The following SCOC variants were observed in gnomAD, a reference collection of about 807,000 sequenced individuals.
The protein encoded by SCOC is short coiled-coil protein.
Under a neutral mutation model 9.9 loss-of-function variants are expected in SCOC, and 7 were observed. The observed-to-expected ratio is 0.71, with a 90% CI of 0.40 to 1.33. The LOEUF (loss-of-function observed/expected upper bound fraction) is 1.33. SCOC is among the 40% of genes most tolerant of loss of function. The pLI, the probability that SCOC is intolerant of heterozygous loss-of-function variation, is 0.01. For missense variants in SCOC, 66 were observed against 89.7 expected, an observed-to-expected ratio of 0.74 and a Z score of 1.07; for synonymous variants, 19 against 28.2, an observed-to-expected ratio of 0.67 and a Z score of 1.03.
At chr4:140,306,622 T>A (rs1731995680) in intron 1 of SCOC, among the ~76,000 whole-genome samples, 1 of 151,088 alleles carries the variant, frequency 6.6e-6, no homozygotes. Context: ...ACAGGGGAAA[T>A]GTGGACACTG....
intron 2 of SCOC, among the ~76,000 whole-genome samples, chr4:140,365,342 C>T (rs1727745424): frequency 6.6e-6 from 1 of 152,090 alleles, no homozygotes; most frequent in Non-Finnish European, 1.5e-5. Flanking sequence ...GAGGCAGTGC[C>T]AGAAAAATTG....
At chr4:140,298,817 CATT>C (rs1461470190) in intron 1 of SCOC, among the ~76,000 whole-genome samples, 1 of 152,062 alleles carries the variant, frequency 6.6e-6, no homozygotes, top group Non-Finnish European at 1.5e-5. Flanking sequence ...TAAATTAATT[CATT>C]ATTATTATTT....
upstream of SCOC, among the ~76,000 whole-genome samples, chr4:140,371,011 G>A (rs1450035521): frequency 6.6e-6 from 1 of 151,476 alleles, no homozygotes; most frequent in Non-Finnish European, 1.5e-5. Flanking sequence ...TCAGCCTCCC[G>A]AGTAGCTGGG....
chr4:140,272,606 A>G (rs1190669249), intron 1 of SCOC, among the ~76,000 whole-genome samples: 2 of 152,216 alleles, frequency 1.3e-5, no homozygotes, highest in East Asian at 3.9e-4. Context: ...TCACTGGTAT[A>G]TCCACAGCGC....
Position 140,385,703 on chromosome 4 carries a change from C to G in SCOC, c.*4599C>G, listed in dbSNP as rs1390160595. On this transcript the variant is annotated 3_prime_UTR_variant, in exon 4 of 4. Transcript: ENST00000608372. ...ATGTAAAGCCATTCTTTACTTTGCC[C>G]AATAAAAATTTTGTTATTCCCTGAA... is the stretch of plus-strand genomic sequence containing the variant. 6.6e-6 allele frequency: 1 copy of G among 152,134 alleles called. No homozygotes were observed. The highest frequency in any genetic ancestry group is 1.5e-5 in the Non-Finnish European group (1 of 68,018). The allele number at this position is 152,134 out of a possible 1,614,324, so 9.4% of individuals were successfully genotyped here.
At chr4:140,294,856 C>T (rs1731578726) in intron 1 of SCOC, among the ~76,000 whole-genome samples, 1 of 152,214 alleles carries the variant, frequency 6.6e-6, no homozygotes, top group Non-Finnish European at 1.5e-5. Context: ...GCTACTTGTC[C>T]ATGCCCTGGC....
At position 140,379,553 on chromosome 4, in the gene SCOC, A is replaced by C; in HGVS notation, c.23-16A>C. 1 of 1,586,030 alleles carries C rather than the reference A, an allele frequency of 6.3e-7. No individual in the cohort carries two copies. Among genetic ancestry groups the C allele is most frequent in the Non-Finnish European group, 8.6e-7 (1 of 1,157,578 alleles). Reference sequence around the variant, plus strand: ...CTAATGCTAATTAATAGTAAATTTGAACCTTTATATTACAGCAGTTGATGC... The same window carrying C: ...CTAATGCTAATTAATAGTAAATTTGCACCTTTATATTACAGCAGTTGATGC... On this transcript the variant is annotated splice_polypyrimidine_tract_variant and intron_variant, in intron 2 of 3. Coordinates refer to ENST00000608372, the MANE Select transcript of SCOC (RefSeq NM_001153484.2).
intron 2 of SCOC, among the ~76,000 whole-genome samples, chr4:140,347,455 C>T (rs1726787761): frequency 6.6e-6 from 1 of 152,298 alleles, no homozygotes; most frequent in African/African-American, 2.4e-5. Flanking sequence ...TGCTTCCACT[C>T]CCCTGGCTTT....
intron 2 of SCOC, among the ~76,000 whole-genome samples, chr4:140,367,316 T>G (rs1408873947): frequency 1.3e-5 from 2 of 152,336 alleles, no homozygotes; most frequent in East Asian, 3.9e-4. Context: ...AATTACTTTA[T>G]GCTTGTTAAA....
At chr4:140,346,326 C>T (rs538900035) in intron 2 of SCOC, among the ~76,000 whole-genome samples, 98 of 152,200 alleles carry the variant, frequency 6.4e-4, no homozygotes, top group African/African-American at 2.1e-3. Flanking sequence ...CAGCCGAGTG[C>T]GGTATTGGAA....
chr4:140,365,293 T>G (rs1019533947), intron 2 of SCOC, among the ~76,000 whole-genome samples: 1 of 152,094 alleles, frequency 6.6e-6, no homozygotes, highest in Non-Finnish European at 1.5e-5. Flanking sequence ...GATTGGTGCT[T>G]TCAAACCAGT....
upstream of SCOC, among the ~76,000 whole-genome samples, chr4:140,368,943 C>T (rs1250241190): frequency 1.3e-5 from 2 of 151,092 alleles, no homozygotes; most frequent in Non-Finnish European, 3.0e-5. Flanking sequence ...TTTTTATTCT[C>T]CTTTCACAGC....
At chr4:140,371,311 A>G (rs1049440625), upstream of SCOC, among the ~76,000 whole-genome samples, 1 of 152,178 alleles carries the variant, frequency 6.6e-6, no homozygotes, top group Admixed American at 6.5e-5. Flanking sequence ...AATATTTTAC[A>G]TCTTTCCTTA....
intron 2 of SCOC, among the ~76,000 whole-genome samples, chr4:140,348,686 A>T (rs557279405): frequency 1.5e-4 from 23 of 152,320 alleles, no homozygotes; most frequent in Admixed American, 1.4e-3. Flanking sequence ...GAGCATGCAG[A>T]TATATTTTCA....
chr4:140,379,426 T>G (rs1728477391), intron 2 of SCOC, 143 bp from the exon 3 acceptor site: 1 of 706,362 alleles, frequency 1.4e-6, no homozygotes, highest in Non-Finnish European at 2.5e-6. Context: ...ATCTGCAATT[T>G]GGGGATACAA....
At chr4:140,310,230 T>C (rs1732111200) in intron 1 of SCOC, among the ~76,000 whole-genome samples, 1 of 152,216 alleles carries the variant, frequency 6.6e-6, no homozygotes, top group Non-Finnish European at 1.5e-5. Flanking sequence ...GCTCCATTGT[T>C]GAATTCCTAC....
At chr4:140,352,249 T>C (rs1215406657) in intron 2 of SCOC, among the ~76,000 whole-genome samples, 1 of 152,228 alleles carries the variant, frequency 6.6e-6, no homozygotes, top group East Asian at 1.9e-4. Context: ...GTTGGAAATG[T>C]TGTTTTTAGT....
Position 140,319,602 on chromosome 4 carries a change from C to A in SCOC, c.-18-24019C>A, listed in dbSNP as rs572894744. 2.0e-5 allele frequency among the ~76,000 whole-genome samples: 3 copies of A among 152,126 alleles called. No homozygotes were observed. The East Asian group carries it at 5.8e-4, about 29-fold the overall frequency. On this transcript the variant is annotated intron_variant, in intron 1 of 4. Coordinates refer to the SCOC transcript ENST00000394205. ...CTCAGTTCTAATTTCCAAATATACA[C>A]AGAAAGATGGTTTGGGGCTGTTGCA... is the stretch of plus-strand genomic sequence containing the variant.
At chr4:140,276,001 T>TTTG (rs544721089) in intron 1 of SCOC, among the ~76,000 whole-genome samples, 24 of 151,486 alleles carry the variant, frequency 1.6e-4, no homozygotes, top group African/African-American at 3.6e-4. Flanking sequence ...TTTTTGTATT[T>TTTG]TTGTTGTTGT....
Sources: allele counts gnomAD v4.1 joint callset (sites outside exome capture counted in the v4.1 genomes callset), GRCh38; gene constraint gnomAD v4.1.1; transcripts MANE v1.5; gene names NCBI Gene and HGNC (gene_info 2026-07-23, HGNC 2026-07-21).